The following SEPTIN7 variants were observed in gnomAD, a reference collection of about 807,000 sequenced individuals.
SEPTIN7 encodes septin-7.
A neutral mutation model predicts 63.3 loss-of-function variants in SEPTIN7; 10 were observed. The observed-to-expected ratio is 0.16, with a 90% CI of 0.10 to 0.27. The LOEUF is 0.27. Among genes scored for constraint, SEPTIN7 ranks in the 10% least tolerant of loss-of-function variants. The pLI, the probability that SEPTIN7 is intolerant of heterozygous loss-of-function variation, is 1.00. For missense variants in SEPTIN7, 310 were observed against 521.0 expected (o/e 0.59, Z 3.94); for synonymous variants, 131 against 165.3 (o/e 0.79, Z 1.59).
intron 3 of SEPTIN7, among the ~76,000 whole-genome samples, chr7:35,856,344 T>C (rs1785204270): frequency 6.6e-6 from 1 of 152,224 alleles, no homozygotes; most frequent in Non-Finnish European, 1.5e-5. Flanking sequence ...TATTCCATTT[T>C]CTGGATATAC....
chr7:35,910,698 AG>A (rs1335588625), downstream of SEPTIN7, among the ~76,000 whole-genome samples: 2 of 152,220 alleles, frequency 1.3e-5, no homozygotes, highest in Non-Finnish European at 2.9e-5. Context: ...AAAACAAAAA[AG>A]GGGGAGAAAC....
intron 1 of SEPTIN7, among the ~76,000 whole-genome samples, chr7:35,806,475 C>T (rs1259381974): frequency 6.6e-6 from 1 of 152,188 alleles, no homozygotes; most frequent in Non-Finnish European, 1.5e-5. Context: ...TTAGCAATCT[C>T]TGGGAGAGGG....
downstream of SEPTIN7, among the ~76,000 whole-genome samples, chr7:35,908,147 T>C (rs1178012028): frequency 6.6e-6 from 1 of 152,186 alleles, no homozygotes; most frequent in Non-Finnish European, 1.5e-5. Flanking sequence ...CACCATTCTT[T>C]GTAAGTAATG....
At chr7:35,863,393 G>A (rs938587627) in intron 3 of SEPTIN7, among the ~76,000 whole-genome samples, 159 bp from the exon 4 acceptor site, 1 of 152,078 alleles carries the variant, frequency 6.6e-6, no homozygotes, top group Non-Finnish European at 1.5e-5. Flanking sequence ...AAGCAACTGA[G>A]GACAAGATAC....
chr7:35,851,636 A>C (rs1784965754), intron 3 of SEPTIN7, among the ~76,000 whole-genome samples: 1 of 152,154 alleles, frequency 6.6e-6, no homozygotes, highest in Non-Finnish European at 1.5e-5. Flanking sequence ...CTTGTGTTTA[A>C]GTAGAGTTTG....
Position 35,870,347 on chromosome 7 carries a change from G to A in SEPTIN7, c.277-2319G>A, listed in dbSNP as rs1434813178. ...GCTGTTAAGTTAAAATGTGTAATTGGTATACAGCATATTACTGAAGGTAGA... is the reference window on the plus strand; with the variant it reads ...GCTGTTAAGTTAAAATGTGTAATTGATATACAGCATATTACTGAAGGTAGA... On this transcript the variant is annotated intron_variant, in intron 4 of 13. Transcript: ENST00000350320. Among the ~76,000 whole-genome samples, 6 of 152,078 alleles carry A rather than the reference G, an allele frequency of 3.9e-5. No individual in the cohort carries two copies. The East Asian group carries it at 1.2e-3, about 29-fold the overall frequency.
At chr7:35,848,458 G>C (rs1784802875) in intron 3 of SEPTIN7, among the ~76,000 whole-genome samples, 1 of 151,916 alleles carries the variant, frequency 6.6e-6, no homozygotes, top group African/African-American at 2.4e-5. Flanking sequence ...TTTTAGTAGA[G>C]ACGGGGTTTC....
chr7:35,915,290 T>C, the SEPTIN7 span, among the ~76,000 whole-genome samples: 1 of 152,026 alleles, frequency 6.6e-6, no homozygotes, highest in Non-Finnish European at 1.5e-5. Context: ...CATGCAAATG[T>C]TCACCCATGC....
At chr7:35,814,723 C>T (rs760984041) in intron 1 of SEPTIN7, among the ~76,000 whole-genome samples, 1 of 151,794 alleles carries the variant, frequency 6.6e-6, no homozygotes, top group Non-Finnish European at 1.5e-5. Flanking sequence ...TGCCTGTAAT[C>T]CCAGCACTTT....
intron 1 of SEPTIN7, among the ~76,000 whole-genome samples, chr7:35,813,560 G>A (rs1399295041): frequency 6.6e-6 from 1 of 152,028 alleles, no homozygotes; most frequent in Non-Finnish European, 1.5e-5. Flanking sequence ...ATTTTTGTAG[G>A]CATGGGGTTT....
rs1788586759 is a variant in SEPTIN7, at chr7:35,905,873, TTAATG to T, written c.*1586_*1590del. 1 of 152,230 alleles carries T rather than the reference TTAATG, an allele frequency of 6.6e-6. No homozygotes were observed. 9.4% of individuals were successfully genotyped at this position (152,230 alleles called of 1,614,324 possible). ...TTCTTAAGGTCAAGTGACATAGATT[TTAATG>T]TAATGCATAATTTAGGTAAGAAATT... is the stretch of plus-strand genomic sequence containing the variant. On this transcript the variant is annotated 3_prime_UTR_variant, in exon 14 of 14. Transcript: ENST00000350320.
intron 3 of SEPTIN7, among the ~76,000 whole-genome samples, chr7:35,847,612 CTT>C (rs1784748271): frequency 6.6e-6 from 1 of 152,090 alleles, no homozygotes; most frequent in Non-Finnish European, 1.5e-5. Flanking sequence ...TGTCAAAAGT[CTT>C]CTTTTTGAAA....
At chr7:35,828,124 C>T (rs1262309613) in intron 1 of SEPTIN7, among the ~76,000 whole-genome samples, 1 of 152,120 alleles carries the variant, frequency 6.6e-6, no homozygotes, top group East Asian at 1.9e-4. Flanking sequence ...ATAATAATTA[C>T]ATGCAAATAA....
At chr7:35,827,725 A>T (rs1438034217) in intron 1 of SEPTIN7, among the ~76,000 whole-genome samples, 1 of 152,130 alleles carries the variant, frequency 6.6e-6, no homozygotes, top group Non-Finnish European at 1.5e-5. Context: ...TCCTGACTTC[A>T]AGAGACCTGC....
chr7:35,848,695 CT>C (rs1784815117), intron 3 of SEPTIN7, among the ~76,000 whole-genome samples: 1 of 152,138 alleles, frequency 6.6e-6, no homozygotes, highest in African/African-American at 2.4e-5. Flanking sequence ...TTTGCAGACC[CT>C]AACCTAACCT....
downstream of SEPTIN7, among the ~76,000 whole-genome samples, chr7:35,909,214 T>G (rs1246105031): frequency 2.6e-5 from 4 of 152,220 alleles, no homozygotes; most frequent in Non-Finnish European, 5.9e-5. Flanking sequence ...AAATGTTGTA[T>G]TCAATATTTT....
intron 11 of SEPTIN7, among the ~76,000 whole-genome samples, chr7:35,896,052 G>A (rs966489327): frequency 7.9e-5 from 12 of 152,240 alleles, no homozygotes; most frequent in East Asian, 3.9e-4. Context: ...TTTGTGATCT[G>A]CCTGCCTTGG....
At chr7:35,899,494 C>G (rs1188656672) in intron 12 of SEPTIN7, 1 of 152,290 alleles carries the variant, frequency 6.6e-6, no homozygotes, top group Non-Finnish European at 1.5e-5. Context: ...GAGATCACGT[C>G]ACTGCACTCC....
At chr7:35,847,650 GTA>G (rs1784751177) in intron 3 of SEPTIN7, among the ~76,000 whole-genome samples, 1 of 151,968 alleles carries the variant, frequency 6.6e-6, no homozygotes, top group South Asian at 2.1e-4. Context: ...TTTTTATTAA[GTA>G]TAGTCACACC....
Sources: gnomAD v4.1 joint callset for allele counts (sites outside exome capture counted in the v4.1 genomes callset) on GRCh38, gnomAD v4.1.1 for gene constraint, MANE v1.5 for transcripts, NCBI Gene and HGNC (gene_info 2026-07-23, HGNC 2026-07-21) for gene names.